Variants in TPM1 observed in about 807,000 individuals in gnomAD.
TPM1 encodes tropomyosin 1, also known as tropomyosin alpha-1 chain.
TPM1 carries 24 observed loss-of-function variants against 42.9 expected under a neutral mutation model. The observed-to-expected ratio is 0.56, with a 90% CI of 0.41 to 0.79. TPM1 has a LOEUF of 0.79. TPM1 is among the 30% of genes least tolerant of loss of function. The probability of loss-of-function intolerance (pLI) is 0.00; values close to 1 mark genes in which losing one functional copy is unlikely to be tolerated. For missense variants in TPM1, 158 were observed against 351.8 expected (o/e 0.45, Z 4.41); for synonymous variants, 136 against 130.1 (o/e 1.05, Z -0.31).
chr15:63,071,226 A>T, exon 9 of TPM1: 1 of 671,492 alleles, frequency 1.5e-6, no homozygotes, highest in South Asian at 1.8e-5. Flanking sequence ...TTGTTTTTAA[A>T]CACCTGCTTA....
chr15:63,048,664 C>T, intron 2 of TPM1: 1 of 1,539,338 alleles, frequency 6.5e-7, no homozygotes, highest in Non-Finnish European at 8.7e-7. Context: ...CGCGCGGGCA[C>T]CCTGCAGCGC....
intron 1 of TPM1, chr15:63,043,775 G>C: frequency 6.5e-7 from 1 of 1,550,048 alleles, no homozygotes; most frequent in African/African-American, 1.4e-5. Flanking sequence ...CCGGGTGCTG[G>C]AGGAGCTGCA....
chr15:63,048,790 C>CG lies in TPM1; in HGVS notation c.240+4638_240+4639insG, dbSNP rs148517607. 221,863 of 1,494,878 alleles carry CG rather than the reference C, an allele frequency of 0.15. 20,652 individuals are homozygous for CG. Among genetic ancestry groups the CG allele is most frequent in the East Asian group, 0.46 (17,996 of 39,144 alleles). The allele number at this position is 1,494,878 out of a possible 1,614,324, so 92.6% of individuals were successfully genotyped here. A position where few individuals can be genotyped will look rare whatever the true frequency, so the allele number is the denominator to read the frequency against. On this transcript the variant is annotated intron_variant, in intron 2 of 9. Coordinates refer to ENST00000403994, the MANE Select transcript of TPM1 (RefSeq NM_001018005.2). ...CCGCAGGGCCCTCCTGCTTCCCCCC[C>CG]CGCAGGCCCCGGTCCCTCGTCCCCA...
chr15:63,059,910 C>A, intron 4 of TPM1: 1 of 381,928 alleles, frequency 2.6e-6, no homozygotes, highest in Non-Finnish European at 5.0e-6. Context: ...GAAGAAGGAC[C>A]AAAACTCCTC....
At chr15:63,070,017 C>T, downstream of TPM1, 1 of 1,607,830 alleles carries the variant, frequency 6.2e-7, no homozygotes, top group South Asian at 1.1e-5. Context: ...ACTGTCCTAC[C>T]TTCAACTAAT....
At chr15:63,053,931 G>A (rs538885809) in intron 2 of TPM1, among the ~76,000 whole-genome samples, 3 of 151,894 alleles carry the variant, frequency 2.0e-5, no homozygotes, top group African/African-American at 4.8e-5. Context: ...TGCCCGCCTC[G>A]GCCTCCCAAA....
At position 63,066,057 on chromosome 15, in the gene TPM1, T is replaced by G; in HGVS notation, c.*158T>G. 1 of 1,538,446 alleles carries G rather than the reference T, an allele frequency of 6.5e-7. No homozygotes were observed. The stretch of plus-strand genomic sequence containing the variant: ...ACTGTGCTTTCTATTGTACAGAAGC[T>G]CTTCGTTTCAGTGTCAAATAAACAC... On this transcript the variant is annotated 3_prime_UTR_variant, in exon 10 of 10. Coordinates refer to ENST00000403994, the MANE Select transcript of TPM1 (RefSeq NM_001018005.2).
downstream of TPM1, chr15:63,066,197 T>C (rs150926100): frequency 7.0e-4 from 972 of 1,397,000 alleles, 4 homozygotes; most frequent in African/African-American, 0.013. Context: ...AGTGTTTGGC[T>C]GCTGCTTTTT....
chr15:63,051,534 G>C (rs1036227838), intron 2 of TPM1, among the ~76,000 whole-genome samples: 33 of 151,522 alleles, frequency 2.2e-4, no homozygotes, highest in African/African-American at 7.8e-4. Context: ...AATGTCATCA[G>C]TGTTTTTTTT....
At chr15:63,050,185 G>A (rs1188261107) in intron 2 of TPM1, among the ~76,000 whole-genome samples, 1 of 152,210 alleles carries the variant, frequency 6.6e-6, no homozygotes, top group South Asian at 2.1e-4. Context: ...CACAGCCCTG[G>A]CAGCCCAGTG....
chr15:63,052,302 C>T (rs2034041417), intron 2 of TPM1, among the ~76,000 whole-genome samples: 1 of 152,172 alleles, frequency 6.6e-6, no homozygotes, highest in Non-Finnish European at 1.5e-5. Flanking sequence ...ACGGGTGGAT[C>T]ACCTGAGGTC....
chr15:63,067,222 C>T (rs1007293784), downstream of TPM1, among the ~76,000 whole-genome samples: 3 of 152,190 alleles, frequency 2.0e-5, no homozygotes, highest in Admixed American at 6.5e-5. Flanking sequence ...GTGTCATTCT[C>T]ACTCTACAGA....
chr15:63,070,744 T>G, downstream of TPM1: 1 of 1,101,640 alleles, frequency 9.1e-7, no homozygotes, highest in Middle Eastern at 4.2e-4. Flanking sequence ...TTCTTCAGTT[T>G]GTATAACAGT....
Position 63,059,618 on chromosome 15 carries a change from C to A in TPM1, c.430C>A (p.Gln144Lys). 3 of 1,612,290 alleles carry A rather than the reference C, an allele frequency of 1.9e-6. No individual in the cohort carries two copies. In the South Asian group the frequency reaches 3.3e-5, roughly 18 times the overall value. ...AQKDEEKMEI[Q>K]EIQLKEAKHI... ...AAAAGATGAAGAAAAAATGGAAATT[C>A]AGGAGATCCAACTGAAAGAGGCCAA... The change falls in exon 4 of 10, where the codon CAG becomes AAG. Residue 144 changes from glutamine to lysine, a missense_variant. Transcript: ENST00000403994.
At chr15:63,063,374 C>G in intron 8 of TPM1, 2 of 985,346 alleles carry the variant, frequency 2.0e-6, no homozygotes, top group Non-Finnish European at 1.2e-6. Context: ...AATGATCTGC[C>G]AAAGTGCAGC....
downstream of TPM1, among the ~76,000 whole-genome samples, chr15:63,069,698 T>A (rs556823543): frequency 2.0e-5 from 3 of 152,316 alleles, no homozygotes; most frequent in African/African-American, 7.2e-5. Context: ...GGGTCTACCC[T>A]TCCTGGATAC....
intron 2 of TPM1, among the ~76,000 whole-genome samples, chr15:63,052,655 CAG>C (rs2034118764): frequency 6.6e-6 from 1 of 151,970 alleles, no homozygotes; most frequent in South Asian, 2.1e-4. Context: ...TTTTAGATAA[CAG>C]ATGGTCATGT....
chr15:63,060,722 C>A, intron 4 of TPM1, 147 bp from the exon 5 acceptor site: 2 of 870,588 alleles, frequency 2.3e-6, no homozygotes, highest in Non-Finnish European at 3.8e-6. Flanking sequence ...TAGAGAGTTG[C>A]TTCTCTCTGG....
At position 63,053,394 on chromosome 15, in the gene TPM1, C is replaced by T. The variant is rs536258208; in HGVS notation, c.241-3591C>T. On this transcript the variant is annotated intron_variant, in intron 2 of 9. Transcript: ENST00000403994. ...CAGTTCCAAGGTTTCCGTGATGTTC[C>T]GGGAAGCCAGGAGAAGTGACATAGT... Among the ~76,000 whole-genome samples the T allele has an allele frequency of 5.7e-4, 86 of 152,074 alleles. 1 individual carries two copies. In the South Asian group the frequency reaches 8.9e-3, roughly 16 times the overall value.
Sources: allele counts gnomAD v4.1 joint callset (sites outside exome capture counted in the v4.1 genomes callset), GRCh38; gene constraint gnomAD v4.1.1; transcripts MANE v1.5; gene names NCBI Gene and HGNC (gene_info 2026-07-23, HGNC 2026-07-21).